B3GALT1: variants seen among roughly 807,000 people sequenced by gnomAD.
The protein encoded by B3GALT1 is UDP-Gal:betaGlcNAc beta 1,3-galactosyltransferase, polypeptide 1.
In B3GALT1, 10 loss-of-function variants were observed where a neutral mutation model predicts 23.2. The ratio of observed to expected loss-of-function variants is 0.43; its 90% CI spans 0.27 to 0.73. The LOEUF (loss-of-function observed/expected upper bound fraction) is 0.73, where lower values mean the gene tolerates loss of function less well. Among genes scored for constraint, B3GALT1 ranks in the 30% least tolerant of loss-of-function variants. The probability of loss-of-function intolerance (pLI) is 0.21; values close to 1 mark genes in which losing one functional copy is unlikely to be tolerated. For synonymous variants in B3GALT1, 156 were observed against 141.5 expected (o/e 1.10, Z -0.73); for missense variants, 299 against 405.4 (o/e 0.74, Z 2.25).
chr2:167,627,873 C>T (rs1396931949), intron 2 of B3GALT1, among the ~76,000 whole-genome samples: 5 of 151,552 alleles, frequency 3.3e-5, no homozygotes, highest in African/African-American at 1.2e-4. Context: ...TATGAGTATT[C>T]ATATGAATAT....
At chr2:167,475,914 C>T (rs979305209) in intron 1 of B3GALT1, among the ~76,000 whole-genome samples, 2 of 152,136 alleles carry the variant, frequency 1.3e-5, no homozygotes, top group African/African-American at 4.8e-5. Flanking sequence ...GCAGCAGCAG[C>T]AGCCAAGGCA....
intron 2 of B3GALT1, among the ~76,000 whole-genome samples, chr2:167,499,879 G>A (rs1699828907): frequency 6.6e-6 from 1 of 152,108 alleles, no homozygotes; most frequent in Non-Finnish European, 1.5e-5. Context: ...ATGTGGCTGG[G>A]CTGGAATCTG....
rs1046155918 is a variant in B3GALT1, at chr2:167,527,754, C to A, written c.-410+37477C>A. Among the ~76,000 whole-genome samples, 5 of 152,232 alleles carry A rather than the reference C, an allele frequency of 3.3e-5. No homozygotes were observed. The East Asian group carries it at 9.6e-4, about 29-fold the overall frequency. ...TCCCTCTAAACCTTGTGCTTTTCCT[C>A]TCTAAAAGTTGAAGAAATAGAGGTA... On this transcript the variant is annotated intron_variant, in intron 2 of 4. Transcript: ENST00000392690.
intron 1 of B3GALT1, among the ~76,000 whole-genome samples, chr2:167,465,634 A>G (rs1699332754): frequency 6.6e-6 from 1 of 152,208 alleles, no homozygotes; most frequent in South Asian, 2.1e-4. Flanking sequence ...TAATACTATT[A>G]CATTAGTGAT....
chr2:167,333,237 C>T (rs1438549941), intron 1 of B3GALT1, among the ~76,000 whole-genome samples: 1 of 152,160 alleles, frequency 6.6e-6, no homozygotes, highest in African/African-American at 2.4e-5. Flanking sequence ...ACTAACCTAG[C>T]AGTACTGAAA....
At chr2:167,359,606 C>G (rs1282679156) in intron 1 of B3GALT1, among the ~76,000 whole-genome samples, 2 of 152,172 alleles carry the variant, frequency 1.3e-5, no homozygotes, top group Non-Finnish European at 2.9e-5. Context: ...TCAACAGGGC[C>G]TCCTCCTGGC....
intron 3 of B3GALT1, among the ~76,000 whole-genome samples, chr2:167,725,782 ATAG>A (rs544165661): frequency 1.3e-3 from 199 of 152,262 alleles, no homozygotes; most frequent in Middle Eastern, 6.8e-3. Flanking sequence ...CTCCAGCATC[ATAG>A]TAGTGTTCAG....
At chr2:167,863,904 T>C (rs925766729) in intron 4 of B3GALT1, among the ~76,000 whole-genome samples, 1 of 152,156 alleles carries the variant, frequency 6.6e-6, no homozygotes, top group Non-Finnish European at 1.5e-5. Context: ...TAAGATGTAA[T>C]ACTGTGCCTA....
chr2:167,385,241 C>G (rs902087524), intron 1 of B3GALT1, among the ~76,000 whole-genome samples: 3 of 152,150 alleles, frequency 2.0e-5, no homozygotes, highest in Non-Finnish European at 4.4e-5. Flanking sequence ...TCCACCTACT[C>G]TGTTTGTCTA....
At chr2:167,743,127 A>G (rs969618781) in intron 3 of B3GALT1, among the ~76,000 whole-genome samples, 3 of 152,102 alleles carry the variant, frequency 2.0e-5, no homozygotes, top group Non-Finnish European at 1.5e-5. Context: ...TTCAATGTCT[A>G]ACATGCCAAT....
intron 2 of B3GALT1, among the ~76,000 whole-genome samples, chr2:167,494,720 T>G (rs1387519988): frequency 6.6e-6 from 1 of 152,174 alleles, no homozygotes; most frequent in Non-Finnish European, 1.5e-5. Flanking sequence ...TTAAAGTAAA[T>G]AATTTTAAAG....
At chr2:167,809,306 G>T (rs1236384713) in intron 3 of B3GALT1, among the ~76,000 whole-genome samples, 1 of 152,188 alleles carries the variant, frequency 6.6e-6, no homozygotes, top group Non-Finnish European at 1.5e-5. Context: ...TCTCTGTCCA[G>T]CTTTGTTCCA....
intron 3 of B3GALT1, among the ~76,000 whole-genome samples, chr2:167,679,195 C>T (rs1307899064): frequency 3.2e-4 from 48 of 151,888 alleles, no homozygotes; most frequent in African/African-American, 1.1e-3. Flanking sequence ...CTCGGCTCAC[C>T]GCAACCTCCG....
chr2:167,817,486 TATC>T (rs1689017773), intron 3 of B3GALT1, among the ~76,000 whole-genome samples: 1 of 152,178 alleles, frequency 6.6e-6, no homozygotes, highest in South Asian at 2.1e-4. Flanking sequence ...AAAGGTTAAG[TATC>T]ATCAGTGGCT....
At chr2:167,324,656 T>G (rs1376069230) in intron 1 of B3GALT1, among the ~76,000 whole-genome samples, 1 of 152,132 alleles carries the variant, frequency 6.6e-6, no homozygotes, top group African/African-American at 2.4e-5. Context: ...AGATGTGTAA[T>G]GATGAAGCCA....
At chr2:167,772,365 AC>A (rs2105309843) in intron 3 of B3GALT1, among the ~76,000 whole-genome samples, 1 of 152,328 alleles carries the variant, frequency 6.6e-6, no homozygotes, top group East Asian at 1.9e-4. Context: ...AGTTCTCATA[AC>A]AACCCTGTGA....
intron 3 of B3GALT1, among the ~76,000 whole-genome samples, chr2:167,654,270 C>G (rs991114130): frequency 1.3e-5 from 2 of 152,140 alleles, no homozygotes; most frequent in African/African-American, 4.8e-5. Context: ...GATAATAATA[C>G]TATCTACTAT....
intron 3 of B3GALT1, among the ~76,000 whole-genome samples, chr2:167,700,213 G>A (rs777917580): frequency 7.9e-5 from 12 of 152,050 alleles, no homozygotes; most frequent in African/African-American, 2.7e-4. Context: ...CACTGCACTC[G>A]AACCTGGGTG....
intron 2 of B3GALT1, among the ~76,000 whole-genome samples, chr2:167,612,691 A>G (rs189169064): frequency 1.1e-4 from 17 of 151,908 alleles, no homozygotes; most frequent in African/African-American, 3.6e-4. Context: ...GAGCTTTACA[A>G]TGGAATTTTA....
Sources: allele counts gnomAD v4.1 joint callset (sites outside exome capture counted in the v4.1 genomes callset), GRCh38; gene constraint gnomAD v4.1.1; transcripts MANE v1.5; gene names NCBI Gene and HGNC (gene_info 2026-07-23, HGNC 2026-07-21).